The following TBX5 variants were observed in gnomAD, a reference collection of about 807,000 sequenced individuals.
TBX5 encodes T-box transcription factor 5, also known as T-box transcription factor TBX5.
In TBX5, 8 loss-of-function variants were observed where a neutral mutation model predicts 51.1. That is an observed-to-expected ratio of 0.16 (90% CI 0.09 to 0.28). TBX5 has a LOEUF of 0.28. Ranked by LOEUF, TBX5 falls within the 10% of genes least tolerant of loss-of-function variation. The pLI is 1.00. For missense variants in TBX5, 589 were observed against 671.7 expected, an observed-to-expected ratio of 0.88 and a Z score of 1.36; for synonymous variants, 302 against 266.4, an observed-to-expected ratio of 1.13 and a Z score of -1.30.
intron 7 of TBX5, among the ~76,000 whole-genome samples, chr12:114,370,810 G>A (rs1170887774): frequency 6.6e-6 from 1 of 151,684 alleles, no homozygotes; most frequent in Admixed American, 6.6e-5. Flanking sequence ...TTTGTTTTGG[G>A]GGAATAGGTA....
chr12:114,403,970 G>A (rs1872021994), intron 1 of TBX5, 34 bp from the exon 2 acceptor site: 34 of 1,575,938 alleles, frequency 2.2e-5, no homozygotes, highest in Non-Finnish European at 2.9e-5. Flanking sequence ...ATGGGGGTGG[G>A]GAGGACAGAG....
chr12:114,394,732 C>T lies in TBX5; in HGVS notation c.663+9G>A, dbSNP rs1157570687. ...GCCCCAGGCACTGGTTCCTGGGCTT[C>T]AGGCTTACCTTGTGGTTCTGGTAGG... is the stretch of plus-strand genomic sequence containing the variant. On this transcript the variant is annotated intron_variant, in intron 6 of 8. Transcript: ENST00000405440. 1.2e-6 allele frequency: 2 copies of T among 1,614,082 alleles called. No individual in the cohort carries two copies. Among genetic ancestry groups the T allele is most frequent in the East Asian group, 2.2e-5 (1 of 44,870 alleles).
chr12:114,372,211 T>C (rs185158903), intron 7 of TBX5, among the ~76,000 whole-genome samples: 2 of 152,326 alleles, frequency 1.3e-5, no homozygotes, highest in East Asian at 3.9e-4. Flanking sequence ...GATCCAGGTA[T>C]AAAAGCTACC....
Position 114,366,054 on chromosome 12 carries a change from T to C in TBX5, c.982+111A>G, listed in dbSNP as rs546301124. 3.8e-5 allele frequency: 47 copies of C among 1,226,628 alleles called. No individual in the cohort carries two copies. In the African/African-American group the frequency reaches 4.7e-4, roughly 12 times the overall value. 76.0% of individuals were successfully genotyped at this position (1,226,628 alleles called of 1,614,324 possible). ...TCCATATATTTTTGTGTTGTTTACA[T>C]TTTTAAATAAATAAAGTAAATAAAT... On this transcript the variant is annotated intron_variant, in intron 8 of 8. Transcript: ENST00000405440.
At chr12:114,396,139 G>A (rs1311235846) in intron 5 of TBX5, among the ~76,000 whole-genome samples, 2 of 152,020 alleles carry the variant, frequency 1.3e-5, no homozygotes, top group Non-Finnish European at 2.9e-5. Flanking sequence ...GTTGGGGGAG[G>A]CGAGCCGCGG....
rs142620191 is a variant in TBX5 at position 114,370,638 on chromosome 12, CCT to C, written c.756-4249_756-4248del. Among the ~76,000 whole-genome samples the C allele has an allele frequency of 4.3e-3, 632 of 146,540 alleles. 2 individuals are homozygous for C. Among genetic ancestry groups the C allele is most frequent in the African/African-American group, 6.4e-3 (254 of 39,582 alleles). ...GGGTTAGAGTGGGGGATGATCTCTC[CCT>C]CTCTCTCTCTCTCTCTCTCTCTCTA... is the stretch of plus-strand genomic sequence containing the variant. On this transcript the variant is annotated intron_variant, in intron 7 of 8. Transcript: ENST00000405440.
chr12:114,402,219 G>A (rs1025758455), intron 2 of TBX5, among the ~76,000 whole-genome samples: 1 of 152,068 alleles, frequency 6.6e-6, no homozygotes, highest in Admixed American at 6.5e-5. Flanking sequence ...CCACCATCAG[G>A]GTGCTCCGGA....
chr12:114,403,803 G>C lies in TBX5; in HGVS notation c.96C>G (p.Leu32=). 2.5e-6 allele frequency: 4 copies of C among 1,614,070 alleles called. No homozygotes were observed. Among genetic ancestry groups the C allele is most frequent in the Non-Finnish European group, 3.4e-6 (4 of 1,180,028 alleles). ...ACGACGGGGACTTGCTGGGGGCCCC[G>C]AGCGCGCTCTCGGGTTTCGAATCGC... ...LPCDSKPESA[L]GAPSKSPSSP... Residue 32 remains leucine, a synonymous_variant, in exon 2 of 9, where the codon CTC becomes CTG. Coordinates refer to ENST00000405440, the MANE Select transcript of TBX5 (RefSeq NM_181486.4).
chr12:114,388,363 G>T (rs941719659), intron 6 of TBX5, among the ~76,000 whole-genome samples: 9 of 151,630 alleles, frequency 5.9e-5, no homozygotes, highest in Non-Finnish European at 1.3e-4. Context: ...TAACATGTTG[G>T]CCAGGCTGGT....
At chr12:114,390,989 G>GTCAT (rs1871115290) in intron 6 of TBX5, among the ~76,000 whole-genome samples, 1 of 152,108 alleles carries the variant, frequency 6.6e-6, no homozygotes, top group Non-Finnish European at 1.5e-5. Context: ...AATGTGTCTC[G>GTCAT]TCATTAGGGG....
At chr12:114,375,551 C>T (rs1297070944) in intron 7 of TBX5, among the ~76,000 whole-genome samples, 1 of 152,142 alleles carries the variant, frequency 6.6e-6, no homozygotes. Flanking sequence ...AACTTCATTA[C>T]TCATTGAGGA....
At chr12:114,407,098 G>A (rs1474659301), upstream of TBX5, 9 of 985,260 alleles carry the variant, frequency 9.1e-6, no homozygotes, top group African/African-American at 1.7e-5. Flanking sequence ...GAAATGCCCC[G>A]AGGTCAGCAG....
chr12:114,367,691 TAGAA>T (rs1869628504), intron 7 of TBX5, among the ~76,000 whole-genome samples: 1 of 151,602 alleles, frequency 6.6e-6, no homozygotes, highest in South Asian at 2.1e-4. Flanking sequence ...TGCTTCAAGA[TAGAA>T]GGGACAAAGA....
intron 6 of TBX5, among the ~76,000 whole-genome samples, chr12:114,388,569 C>G (rs1870951289): frequency 6.6e-6 from 1 of 151,724 alleles, no homozygotes; most frequent in Admixed American, 6.6e-5. Flanking sequence ...CATTGACCTC[C>G]CAAGCTGGAG....
chr12:114,371,585 GTGT>G (rs1869908463), intron 7 of TBX5, among the ~76,000 whole-genome samples: 1 of 136,940 alleles, frequency 7.3e-6, no homozygotes, highest in Non-Finnish European at 1.6e-5. Flanking sequence ...TCAGATTTTT[GTGT>G]TTTTTTTTTT....
intron 7 of TBX5, among the ~76,000 whole-genome samples, chr12:114,385,019 A>C (rs949335000): frequency 2.0e-5 from 3 of 151,938 alleles, no homozygotes; most frequent in Non-Finnish European, 4.4e-5. Context: ...AGTGCCCTGG[A>C]CACCACATGG....
At chr12:114,400,082 CGT>C (rs1172777685) in intron 3 of TBX5, among the ~76,000 whole-genome samples, 2 of 152,198 alleles carry the variant, frequency 1.3e-5, no homozygotes, top group Non-Finnish European at 2.9e-5. Flanking sequence ...TAAGGTGTCA[CGT>C]GTACACAAGG....
At chr12:114,396,112 C>CCGAT (rs1565939869) in intron 5 of TBX5, among the ~76,000 whole-genome samples, 2 of 152,080 alleles carry the variant, frequency 1.3e-5, no homozygotes, top group Admixed American at 6.5e-5. Flanking sequence ...GAGTCCGGCC[C>CCGAT]CGATCGAGTG....
chr12:114,389,053 C>T (rs1173962692), intron 6 of TBX5, among the ~76,000 whole-genome samples: 2 of 152,002 alleles, frequency 1.3e-5, no homozygotes, highest in African/African-American at 4.8e-5. Flanking sequence ...CTCAGCCTCC[C>T]GAGTAGCTGA....
Sources: allele counts gnomAD v4.1 joint callset (sites outside exome capture counted in the v4.1 genomes callset), GRCh38; gene constraint gnomAD v4.1.1; transcripts MANE v1.5; gene names NCBI Gene and HGNC (gene_info 2026-07-23, HGNC 2026-07-21).